PLXNA4: variants seen among roughly 807,000 people sequenced by gnomAD.
PLXNA4 encodes plexin A4, also known as plexin-A4.
In PLXNA4, 44 loss-of-function variants were observed where a neutral mutation model predicts 191.8. The observed-to-expected ratio is 0.23, with a 90% confidence interval of 0.18 to 0.29. The LOEUF is 0.29. Among genes scored for constraint, PLXNA4 ranks in the 10% least tolerant of loss-of-function variants. The pLI is 1.00. For synonymous variants in PLXNA4, 1,082 were observed against 1,009.5 expected, an observed-to-expected ratio of 1.07 and a Z score of -1.36; for missense variants, 1,800 against 2,488.8, an observed-to-expected ratio of 0.72 and a Z score of 5.89.
At position 132,468,733 on chromosome 7, in the gene PLXNA4, C is replaced by T. The variant is rs558477091; in HGVS notation, c.1371+20559G>A. On this transcript the variant is annotated intron_variant, in intron 3 of 31. Transcript: ENST00000321063. Reference sequence around the variant, plus strand: ...CCCTTCAACACACACAATATGCACACGCACACACACACACACACACACAAT... The same window carrying T: ...CCCTTCAACACACACAATATGCACATGCACACACACACACACACACACAAT... 6.9e-3 allele frequency among the ~76,000 whole-genome samples: 1,012 copies of T among 146,510 alleles called. 16 individuals are homozygous for T. Among genetic ancestry groups the T allele is most frequent in the African/African-American group, 0.026 (983 of 37,404 alleles).
At chr7:132,298,457 ATC>A (rs1484644827) in intron 3 of PLXNA4, among the ~76,000 whole-genome samples, 1 of 152,228 alleles carries the variant, frequency 6.6e-6, no homozygotes, top group Non-Finnish European at 1.5e-5. Flanking sequence ...TCCAGTCTTA[ATC>A]TCCCTGGTTC....
intron 4 of PLXNA4, among the ~76,000 whole-genome samples, chr7:132,289,841 T>A (rs1406478111): frequency 6.6e-6 from 1 of 151,858 alleles, no homozygotes; most frequent in East Asian, 1.9e-4. Flanking sequence ...CTAATTAATT[T>A]TTTTTTTTTT....
chr7:132,513,458 T>C (rs547033514), intron 1 of PLXNA4, among the ~76,000 whole-genome samples: 6 of 152,324 alleles, frequency 3.9e-5, no homozygotes, highest in Admixed American at 1.3e-4. Flanking sequence ...CATAGTCACG[T>C]TGGGCATTGG....
At chr7:132,330,416 G>A (rs56190025) in intron 3 of PLXNA4, among the ~76,000 whole-genome samples, 5,484 of 152,264 alleles carry the variant, frequency 0.036, 156 homozygotes, top group Middle Eastern at 0.068. Flanking sequence ...AATATAACCC[G>A]CTCACCAGTG....
intron 3 of PLXNA4, among the ~76,000 whole-genome samples, chr7:132,315,728 A>G (rs1001740412): frequency 6.6e-6 from 1 of 152,236 alleles, no homozygotes; most frequent in East Asian, 1.9e-4. Flanking sequence ...TGTGCTTCCC[A>G]GAAGAGTGGC....
At chr7:132,622,866 A>G (rs1372460222) in intron 2 of PLXNA4, among the ~76,000 whole-genome samples, 3 of 152,198 alleles carry the variant, frequency 2.0e-5, no homozygotes, top group Non-Finnish European at 4.4e-5. Context: ...TATCTGTTGA[A>G]GTTGACTTTC....
At chr7:132,209,263 A>G (rs1410289351) in intron 10 of PLXNA4, among the ~76,000 whole-genome samples, 1 of 152,232 alleles carries the variant, frequency 6.6e-6, no homozygotes, top group Non-Finnish European at 1.5e-5. Context: ...CCCTCCTGAC[A>G]TCCCCAGATC....
chr7:132,137,595 A>T (rs1795148976), intron 30 of PLXNA4, among the ~76,000 whole-genome samples: 1 of 152,236 alleles, frequency 6.6e-6, no homozygotes, highest in South Asian at 2.1e-4. Context: ...GGCCATAAGC[A>T]AAAGCTTAAA....
At chr7:132,348,087 C>A (rs1276430664) in intron 3 of PLXNA4, among the ~76,000 whole-genome samples, 1 of 152,100 alleles carries the variant, frequency 6.6e-6, no homozygotes, top group East Asian at 1.9e-4. Context: ...CAGATATCAA[C>A]CTGGCCTTCC....
intron 3 of PLXNA4, among the ~76,000 whole-genome samples, chr7:132,361,201 G>T (rs763989051): frequency 1.3e-5 from 2 of 152,136 alleles, no homozygotes; most frequent in Non-Finnish European, 2.9e-5. Context: ...AAGTGTCGCA[G>T]GTTGGCAGAT....
intron 3 of PLXNA4, among the ~76,000 whole-genome samples, chr7:132,469,119 C>CAAAAAAAAAAAAAAAAAAAAAA (rs5887577): frequency 1.1e-5 from 1 of 87,430 alleles, no homozygotes; most frequent in African/African-American, 4.3e-5. Context: ...GCACACCAAC[C>CAAAAAAAAAAAAAAAAAAAAAA]AAAAAAAAAA....
intron 3 of PLXNA4, among the ~76,000 whole-genome samples, chr7:132,456,101 C>G (rs1211253744): frequency 2.0e-5 from 3 of 148,642 alleles, no homozygotes; most frequent in Non-Finnish European, 4.4e-5. Context: ...CTCTTCGCAT[C>G]TCCTCTGTTC....
Position 132,644,670 on chromosome 7 carries a change from C to T in PLXNA4, c.-87+1258G>A, listed in dbSNP as rs371325060. On this transcript the variant is annotated intron_variant, in intron 2 of 4. Transcript: ENST00000378539. ...TAGATGGTCCCAGCCACTGTAATTC[C>T]TTCGTGATATATTTAAAGAGGAAGA... Among the ~76,000 whole-genome samples, 85 of 152,262 alleles carry T rather than the reference C, an allele frequency of 5.6e-4. 1 individual carries two copies. Among genetic ancestry groups the T allele is most frequent in the African/African-American group, 2.0e-3 (85 of 41,552 alleles).
chr7:132,554,734 G>C (rs868630650), intron 1 of PLXNA4, among the ~76,000 whole-genome samples: 22 of 152,104 alleles, frequency 1.4e-4, no homozygotes, highest in Non-Finnish European at 2.8e-4. Flanking sequence ...GGAAACCAGG[G>C]CCTGGGGCTG....
Position 132,329,940 on chromosome 7 carries a change from G to T in PLXNA4, c.1372-31718C>A, listed in dbSNP as rs116073177. Among the ~76,000 whole-genome samples, 927 of 152,308 alleles carry T rather than the reference G, an allele frequency of 6.1e-3. 17 individuals carry two copies. Among genetic ancestry groups the T allele is most frequent in the African/African-American group, 0.021 (879 of 41,560 alleles). The stretch of plus-strand genomic sequence containing the variant: ...TATTTTTTGAGCTTAGAGAAGCCAG[G>T]TGCTGTCCTGAGCACCACGTACCCT... On this transcript the variant is annotated intron_variant, in intron 3 of 31. Coordinates refer to ENST00000321063, the MANE Select transcript of PLXNA4 (RefSeq NM_020911.2).
intron 2 of PLXNA4, among the ~76,000 whole-genome samples, chr7:132,615,350 G>A (rs74941834): frequency 6.6e-6 from 1 of 152,102 alleles, no homozygotes; most frequent in African/African-American, 2.4e-5. Context: ...AACCCCACTC[G>A]CGTCCTGTCT....
intron 2 of PLXNA4, among the ~76,000 whole-genome samples, chr7:132,602,145 T>C (rs1802832683): frequency 6.6e-6 from 1 of 152,246 alleles, no homozygotes; most frequent in Non-Finnish European, 1.5e-5. Flanking sequence ...GTATGATTTT[T>C]CTCAGGTTTG....
intron 3 of PLXNA4, among the ~76,000 whole-genome samples, chr7:132,473,161 C>A (rs1796994183): frequency 6.6e-6 from 1 of 152,232 alleles, no homozygotes; most frequent in Non-Finnish European, 1.5e-5. Flanking sequence ...TGCAGTGAGT[C>A]AGTGGCAGAA....
At chr7:132,259,523 T>C (rs753447450) in intron 4 of PLXNA4, among the ~76,000 whole-genome samples, 1 of 147,734 alleles carries the variant, frequency 6.8e-6, no homozygotes, top group Non-Finnish European at 1.5e-5. Context: ...TGGTATTCCC[T>C]TCAAACCTCC....
Sources: allele counts gnomAD v4.1 joint callset (sites outside exome capture counted in the v4.1 genomes callset), GRCh38; gene constraint gnomAD v4.1.1; transcripts MANE v1.5; gene names NCBI Gene and HGNC (gene_info 2026-07-23, HGNC 2026-07-21).